Variants in CALCOCO1 observed in about 807,000 individuals in gnomAD.
The protein encoded by CALCOCO1 is calcium binding and coiled-coil domain 1, also known as calcium-binding and coiled-coil domain-containing protein 1.
In CALCOCO1, 44 loss-of-function variants were observed where a neutral mutation model predicts 86.3. The ratio of observed to expected loss-of-function variants is 0.51; its 90% CI spans 0.40 to 0.66. The LOEUF (loss-of-function observed/expected upper bound fraction) is 0.66. Among genes scored for constraint, CALCOCO1 ranks in the 30% least tolerant of loss-of-function variants. The pLI, the probability that CALCOCO1 is intolerant of heterozygous loss-of-function variation, is 0.00. For missense variants in CALCOCO1, 708 were observed against 851.1 expected (o/e 0.83, Z 2.09); for synonymous variants, 297 against 327.6 (o/e 0.91, Z 1.01).
chr12:53,714,137 C>T lies in CALCOCO1; in HGVS notation c.1587G>A (p.Gly529=), dbSNP rs758982646. Residue 529 remains glycine (G), a synonymous_variant, in exon 12 of 15, where the codon GGG becomes GGA. Transcript: ENST00000550804. Reference sequence around the variant, plus strand: ...CAAGATTGGGGCTACACGGACTCAGCCCCACAGCGGCCTCCTCATCCTCTG... The same window carrying T: ...CAAGATTGGGGCTACACGGACTCAGTCCCACAGCGGCCTCCTCATCCTCTG... The part of the protein sequence containing the change: ...ATTEDEEAAV[G]LSCPAALTDS... The T allele has an allele frequency of 2.5e-6, 4 of 1,609,682 alleles. No homozygotes were observed. The highest frequency in any genetic ancestry group is 2.5e-6 in the Non-Finnish European group (3 of 1,177,964).
At chr12:53,723,082 G>A (rs1322505003) in intron 4 of CALCOCO1, 1 of 349,986 alleles carries the variant, frequency 2.9e-6, no homozygotes, top group East Asian at 7.4e-5. Flanking sequence ...AAAATACTAA[G>A]TCTTCAAAAT....
chr12:53,726,339 A>G (rs1383383708), intron 1 of CALCOCO1: 1 of 152,222 alleles, frequency 6.6e-6, no homozygotes, highest in African/African-American at 2.4e-5. Flanking sequence ...GACACACTAC[A>G]GGATGGGGTT....
chr12:53,715,822 C>T lies in CALCOCO1; in HGVS notation c.1231G>A (p.Glu411Lys), dbSNP rs746578007. 1 of 1,613,918 alleles carries T rather than the reference C, an allele frequency of 6.2e-7. No homozygotes were observed. Among genetic ancestry groups the T allele is most frequent in the South Asian group, 1.1e-5 (1 of 91,082 alleles). The change falls in exon 9 of 15, where the codon GAG becomes AAG. Residue 411 changes from glutamate (E) to lysine (K), a missense_variant. By Grantham distance (56) the Glu-to-Lys change is moderately conservative (BLOSUM62 1). Transcript: ENST00000550804. ...LKEEKCQWSK[E>K]RAGLLQSVEA... ...ACACTCTGCAGCAGCCCTGCCCGCT[C>T]CTTGCTCCATTGGCATTTTTCTTCC...
At chr12:53,714,563 G>A (rs766722831) in intron 11 of CALCOCO1, 35 bp downstream of exon 11, 1 of 1,503,474 alleles carries the variant, frequency 6.7e-7, no homozygotes, top group Middle Eastern at 1.7e-4. Context: ...GTCCTCACCT[G>A]TGGCATCCAC....
rs1945562068 is a variant in CALCOCO1 at position 53,711,884 on chromosome 12, G to T, written c.*60C>A. On this transcript the variant is annotated 3_prime_UTR_variant, in exon 15 of 15. Coordinates refer to ENST00000550804, the MANE Select transcript of CALCOCO1 (RefSeq NM_020898.3). ...AAATGGGCATGAAACCTAAGTGTAT[G>T]CATGTGTGTGAGTGTGTGTGTGCAT... 1.4e-5 allele frequency: 20 copies of T among 1,393,040 alleles called. No individual in the cohort carries two copies. The highest frequency in any genetic ancestry group is 1.8e-5 in the Non-Finnish European group (19 of 1,041,602). 86.3% of individuals were successfully genotyped at this position (1,393,040 alleles called of 1,614,324 possible).
At position 53,725,138 on chromosome 12, in the gene CALCOCO1, G is replaced by A; in HGVS notation, c.105C>T (p.Thr35=). Residue 35 remains threonine, a synonymous_variant, in exon 2 of 15, where the codon ACC becomes ACT. Transcript: ENST00000550804. The part of the protein sequence containing the change: ...IPNTKVECHY[T]LPPGTMPSAS... ...CACTGGGCATGGTGCCTGGGGGAAGGGTGTAGTGACATTCCACCTTGGTGT... is the reference window on the plus strand; with the variant it reads ...CACTGGGCATGGTGCCTGGGGGAAGAGTGTAGTGACATTCCACCTTGGTGT... The A allele has an allele frequency of 6.2e-7, 1 of 1,613,050 alleles. No homozygotes were observed. Among genetic ancestry groups the A allele is most frequent in the Non-Finnish European group, 8.5e-7 (1 of 1,179,514 alleles).
Position 53,723,776 on chromosome 12 carries a change from G to A in CALCOCO1, c.267C>T (p.Tyr89=). ...AGAGCTGAGCTCCTGGTTTGGGCAG[G>A]TAGCTGGCTGTGGGAAGAAGAATGG... ...IHTSVQFQAS[Y]LPKPGAQLYQ... is the part of the protein sequence containing the mutation. The change falls in exon 4 of 15, where the codon TAC becomes TAT. Residue 89 remains tyrosine, a synonymous_variant. Coordinates refer to ENST00000550804, the MANE Select transcript of CALCOCO1 (RefSeq NM_020898.3). 6.2e-7 allele frequency: 1 copy of A among 1,612,134 alleles called. No homozygotes were observed. Among genetic ancestry groups the A allele is most frequent in the Non-Finnish European group, 8.5e-7 (1 of 1,178,424 alleles).
chr12:53,723,647 C>T lies in CALCOCO1; in HGVS notation c.396G>A (p.Glu132=). 1.2e-6 allele frequency: 2 copies of T among 1,614,248 alleles called. No individual in the cohort carries two copies. Among genetic ancestry groups the T allele is most frequent in the Non-Finnish European group, 1.7e-6 (2 of 1,180,042 alleles). The change falls in exon 4 of 15, where the codon GAG becomes GAA. Residue 132 remains glutamate (E), a synonymous_variant. Coordinates refer to ENST00000550804, the MANE Select transcript of CALCOCO1 (RefSeq NM_020898.3). ...GCAGGATGTCAGAGCCCCCATCAGC[C>T]TCCTCCAGGGTCACCAGTTCATCCA... is the stretch of plus-strand genomic sequence containing the variant. ...RPMDELVTLE[E]ADGGSDILLV...
intron 11 of CALCOCO1, 30 bp from the exon 12 acceptor site, chr12:53,714,271 T>TA (rs772672109): frequency 6.4e-6 from 10 of 1,555,292 alleles, no homozygotes; most frequent in Non-Finnish European, 8.9e-6. Flanking sequence ...AGGCAGGTGC[T>TA]AGAGAATGGG....
At chr12:53,715,178 C>A (rs1176997685) in intron 10 of CALCOCO1, 22 bp downstream of exon 10, 19 of 1,613,148 alleles carry the variant, frequency 1.2e-5, no homozygotes, top group African/African-American at 4.0e-5. Flanking sequence ...AGGACAGGAC[C>A]CTTGGTGGCT....
intron 14 of CALCOCO1, chr12:53,712,856 C>T (rs762258696): frequency 3.3e-5 from 48 of 1,463,476 alleles, no homozygotes; most frequent in Non-Finnish European, 4.3e-5. Flanking sequence ...GCTAGAACAA[C>T]ATAGAAGCCA....
intron 7 of CALCOCO1, among the ~76,000 whole-genome samples, chr12:53,719,520 T>C (rs747604439): frequency 2.2e-4 from 34 of 152,278 alleles, no homozygotes; most frequent in Non-Finnish European, 4.3e-4. Flanking sequence ...AGTAAGACTC[T>C]GTCTCCAAAA....
intron 9 of CALCOCO1, 100 bp downstream of exon 9, chr12:53,715,693 C>A: frequency 6.7e-7 from 1 of 1,494,134 alleles, no homozygotes; most frequent in Non-Finnish European, 9.1e-7. Context: ...AGGTTCTCAA[C>A]CCCTCTTCTC....
At chr12:53,720,308 G>A (rs542534698) in intron 6 of CALCOCO1, among the ~76,000 whole-genome samples, 22 of 152,276 alleles carry the variant, frequency 1.4e-4, no homozygotes, top group African/African-American at 4.8e-4. Flanking sequence ...GTATGTAAAC[G>A]AATGAGCATG....
chr12:53,716,870 G>A (rs564054398), intron 7 of CALCOCO1, among the ~76,000 whole-genome samples: 3 of 152,114 alleles, frequency 2.0e-5, no homozygotes, highest in Admixed American at 2.0e-4. Context: ...TCTCCCTAGC[G>A]GCCCACAGAA....
chr12:53,716,428 G>A lies in CALCOCO1; in HGVS notation c.850-13C>T. The A allele has an allele frequency of 6.2e-7, 1 of 1,614,152 alleles. No homozygotes were observed. Among genetic ancestry groups the A allele is most frequent in the South Asian group, 1.1e-5 (1 of 91,072 alleles). The stretch of plus-strand genomic sequence containing the variant: ...CTTGGAGCTCAGCCTGAGGGAAGTG[G>A]AAAGCAGGTAAGGAAAGGGGTATGT... On this transcript the variant is annotated splice_polypyrimidine_tract_variant and intron_variant, in intron 7 of 14. Coordinates refer to ENST00000550804, the MANE Select transcript of CALCOCO1 (RefSeq NM_020898.3).
chr12:53,715,698 C>A, intron 9 of CALCOCO1, 95 bp downstream of exon 9: 3 of 1,524,414 alleles, frequency 2.0e-6, no homozygotes, highest in Non-Finnish European at 2.7e-6. Flanking sequence ...CTCAACCCCT[C>A]TTCTCTCCTC....
At chr12:53,713,588 C>T in intron 13 of CALCOCO1, 113 bp downstream of exon 13, 1 of 1,011,238 alleles carries the variant, frequency 9.9e-7, no homozygotes, top group East Asian at 2.4e-5. Flanking sequence ...ATCGCTTCAG[C>T]CCAGGAGGCA....
At chr12:53,721,717 A>C (rs933473580) in intron 5 of CALCOCO1, 102 bp from the exon 6 acceptor site, 15 of 1,401,634 alleles carry the variant, frequency 1.1e-5, no homozygotes, top group Non-Finnish European at 1.4e-5. Context: ...GACTGCTTCC[A>C]CCTGGCTATC....
Sources: allele counts gnomAD v4.1 joint callset (sites outside exome capture counted in the v4.1 genomes callset), GRCh38; gene constraint gnomAD v4.1.1; transcripts MANE v1.5; gene names NCBI Gene and HGNC (gene_info 2026-07-23, HGNC 2026-07-21).